CACNA1E: variants seen among roughly 807,000 people sequenced by gnomAD.
CACNA1E encodes calcium voltage-gated channel subunit alpha1 E.
A neutral mutation model predicts 259.2 loss-of-function variants in CACNA1E; 40 were observed. That is an observed-to-expected ratio of 0.15 (90% CI 0.12 to 0.20). The LOEUF (loss-of-function observed/expected upper bound fraction) is 0.20. Ranked by LOEUF, CACNA1E falls within the 10% of genes least tolerant of loss-of-function variation. The probability of loss-of-function intolerance (pLI) is 1.00; values close to 1 mark genes in which losing one functional copy is unlikely to be tolerated. For missense variants in CACNA1E, 1,874 were observed against 3,040.1 expected (o/e 0.62, Z 9.02); for synonymous variants, 1,104 against 1,138.5 (o/e 0.97, Z 0.61).
intron 6 of CACNA1E, among the ~76,000 whole-genome samples, chr1:181,611,562 C>G (rs1291896101): frequency 2.0e-5 from 3 of 152,144 alleles, no homozygotes; most frequent in African/African-American, 4.8e-5. Flanking sequence ...CATTCTTCCT[C>G]AAGGATAAGA....
chr1:181,494,787 T>C (rs1303760850), intron 1 of CACNA1E, among the ~76,000 whole-genome samples: 1 of 152,238 alleles, frequency 6.6e-6, no homozygotes, highest in Non-Finnish European at 1.5e-5. Flanking sequence ...AAGTGCTATG[T>C]CATCTGCAGA....
In CACNA1E at chr1:181,404,341, G is replaced by C. The variant is rs78506512; in HGVS notation, c.-14-8792G>C. ...CCTTGTGTCTTATTGCAGAACGTCAGGGAACACCTGTCTGAGTTGTGCACC... is the reference window on the plus strand; with the variant it reads ...CCTTGTGTCTTATTGCAGAACGTCACGGAACACCTGTCTGAGTTGTGCACC... On this transcript the variant is annotated intron_variant, in intron 1 of 11. Coordinates refer to the CACNA1E transcript ENST00000524607. 5.3e-3 allele frequency among the ~76,000 whole-genome samples: 803 copies of C among 152,290 alleles called. 4 individuals carry two copies. Among genetic ancestry groups the C allele is most frequent in the Middle Eastern group, 0.024 (7 of 294 alleles).
chr1:181,532,716 A>G (rs565763269), intron 3 of CACNA1E, among the ~76,000 whole-genome samples: 1 of 152,368 alleles, frequency 6.6e-6, no homozygotes, highest in African/African-American at 2.4e-5. Flanking sequence ...TTTTCAAAGC[A>G]TTTGAGGAAA....
rs375896812 is a variant in CACNA1E, at chr1:181,540,000, TC to T, written c.512+28491del. Among the ~76,000 whole-genome samples the T allele has an allele frequency of 1.7e-3, 265 of 152,316 alleles. 2 individuals carry two copies. The highest frequency in any genetic ancestry group is 5.9e-3 in the African/African-American group (246 of 41,558). On this transcript the variant is annotated intron_variant, in intron 3 of 47. Coordinates refer to ENST00000367573, the MANE Select transcript of CACNA1E (RefSeq NM_001205293.3). ...TGCTTCCTATTTAGGTCCTCTTTGG[TC>T]TCTCTCCTCCTTATCATCACCATCA...
At chr1:181,761,159 C>T (rs893571628) in intron 32 of CACNA1E, among the ~76,000 whole-genome samples, 1 of 152,210 alleles carries the variant, frequency 6.6e-6, no homozygotes, top group African/African-American at 2.4e-5. Flanking sequence ...TTTTCTCATA[C>T]ATAAAATGAG....
At chr1:181,556,151 G>A (rs1326481383) in intron 3 of CACNA1E, among the ~76,000 whole-genome samples, 1 of 152,086 alleles carries the variant, frequency 6.6e-6, no homozygotes, top group Admixed American at 6.6e-5. Context: ...ATGCAGGATG[G>A]GTTTTCTGGC....
intron 3 of CACNA1E, among the ~76,000 whole-genome samples, chr1:181,515,462 G>A (rs1666505375): frequency 6.6e-6 from 1 of 152,196 alleles, no homozygotes; most frequent in African/African-American, 2.4e-5. Flanking sequence ...TTGTGTTGGT[G>A]AAGGCAGAAG....
At chr1:181,537,711 T>A (rs950977865) in intron 3 of CACNA1E, among the ~76,000 whole-genome samples, 1 of 152,146 alleles carries the variant, frequency 6.6e-6, no homozygotes, top group African/African-American at 2.4e-5. Context: ...CAGTTAATAT[T>A]TGAAATTGGA....
At chr1:181,586,001 C>A (rs1045990191) in intron 6 of CACNA1E, among the ~76,000 whole-genome samples, 3 of 151,944 alleles carry the variant, frequency 2.0e-5, no homozygotes, top group Admixed American at 2.0e-4. Flanking sequence ...TTTGGTAGAG[C>A]AAAAGTAGAA....
intron 2 of CACNA1E, among the ~76,000 whole-genome samples, chr1:181,446,807 G>A (rs1472429174): frequency 6.6e-6 from 1 of 152,052 alleles, no homozygotes; most frequent in Non-Finnish European, 1.5e-5. Context: ...TCTGGTGGCT[G>A]GTGGGGCTGT....
chr1:181,802,680 AGGGTGT>A lies in CACNA1E; in HGVS notation c.*3850_*3855del, dbSNP rs1662363347. The stretch of plus-strand genomic sequence containing the variant: ...TCGCAAGACAACTGACACAAGGTGT[AGGGTGT>A]GGGGGTGGACAAAATGCCCACCTAC... On this transcript the variant is annotated 3_prime_UTR_variant, in exon 48 of 48. Transcript: ENST00000367573. The A allele has an allele frequency of 6.6e-6, 1 of 152,214 alleles. No individual in the cohort carries two copies. Among genetic ancestry groups the A allele is most frequent in the Non-Finnish European group, 1.5e-5 (1 of 68,028 alleles). 9.4% of individuals were successfully genotyped at this position (152,214 alleles called of 1,614,324 possible).
intron 12 of CACNA1E, 84 bp downstream of exon 12, chr1:181,718,251 A>G: frequency 1.5e-6 from 1 of 674,616 alleles, no homozygotes; most frequent in East Asian, 2.7e-5. Flanking sequence ...CTTACTCAGC[A>G]TGAGGCACTG....
chr1:181,776,005 T>C lies in CACNA1E; in HGVS notation c.5140-96T>C. ...CATACCTCTGTTCTGGCTCGTTTGCTAAAACACCCTCCTCCATGCCCTGAA... is the reference window on the plus strand; with the variant it reads ...CATACCTCTGTTCTGGCTCGTTTGCCAAAACACCCTCCTCCATGCCCTGAA... On this transcript the variant is annotated intron_variant, in intron 37 of 47. Coordinates refer to ENST00000367573, the MANE Select transcript of CACNA1E (RefSeq NM_001205293.3). The surrounding 1 kb of genome is among the most constrained non-coding windows in gnomAD (Gnocchi z 4.4). The C allele has an allele frequency of 8.2e-7, 1 of 1,222,556 alleles. No individual in the cohort carries two copies. The highest frequency in any genetic ancestry group is 2.3e-5 in the East Asian group (1 of 42,582). 75.7% of individuals were successfully genotyped at this position (1,222,556 alleles called of 1,614,324 possible).
intron 3 of CACNA1E, among the ~76,000 whole-genome samples, chr1:181,522,060 G>A (rs536387825): frequency 6.6e-6 from 1 of 152,274 alleles, no homozygotes; most frequent in South Asian, 2.1e-4. Context: ...AGATTTGCAG[G>A]AGAGGCACGA....
intron 3 of CACNA1E, among the ~76,000 whole-genome samples, chr1:181,561,547 A>G (rs895332740): frequency 1.3e-5 from 2 of 152,172 alleles, no homozygotes; most frequent in Non-Finnish European, 2.9e-5. Context: ...AGAGGAGTCT[A>G]CAGCCTTTTT....
At chr1:181,754,578 C>A (rs114219685) in intron 27 of CACNA1E, among the ~76,000 whole-genome samples, 1 of 152,346 alleles carries the variant, frequency 6.6e-6, no homozygotes, top group African/African-American at 2.4e-5. Flanking sequence ...GTTCTATCTA[C>A]CCAGCCTCGC....
intron 1 of CACNA1E, among the ~76,000 whole-genome samples, chr1:181,318,804 C>G (rs1304341162): frequency 2.6e-5 from 4 of 152,116 alleles, no homozygotes; most frequent in African/African-American, 7.2e-5. Flanking sequence ...TGGGTCCTTT[C>G]CTGGGACAGG....
intron 2 of CACNA1E, among the ~76,000 whole-genome samples, chr1:181,436,517 A>T (rs1010562350): frequency 2.0e-5 from 3 of 152,348 alleles, no homozygotes; most frequent in African/African-American, 7.2e-5. Context: ...TACACAATGA[A>T]ATACTTTCAG....
At chr1:181,574,746 G>A (rs11804083) in intron 3 of CACNA1E, among the ~76,000 whole-genome samples, 66,915 of 152,038 alleles carry the variant, frequency 0.44, 15,825 homozygotes, top group East Asian at 0.66. Flanking sequence ...TCCATTGTTG[G>A]CCAGGTATGG....
Sources: gnomAD v4.1 joint callset for allele counts (sites outside exome capture counted in the v4.1 genomes callset) on GRCh38, gnomAD v4.1.1 for gene constraint, Gnocchi (gnomAD v3.1) non-coding constraint, MANE v1.5 for transcripts, NCBI Gene and HGNC (gene_info 2026-07-23, HGNC 2026-07-21) for gene names.